Variants in SDK1 observed in about 807,000 individuals in gnomAD.
SDK1 encodes protein sidekick-1.
Under a neutral mutation model 245.5 loss-of-function variants are expected in SDK1, and 157 were observed. That is an observed-to-expected ratio of 0.64 (90% CI 0.56 to 0.73). SDK1 has a LOEUF of 0.73. Among genes scored for constraint, SDK1 ranks in the 30% least tolerant of loss-of-function variants. The pLI, the probability that SDK1 is intolerant of heterozygous loss-of-function variation, is 0.00. For missense variants in SDK1, 3,583 were observed against 3,002.3 expected, an observed-to-expected ratio of 1.19 and a Z score of -4.52; for synonymous variants, 1,647 against 1,278.5, an observed-to-expected ratio of 1.29 and a Z score of -6.15.
chr7:4,144,041 A>G (rs1344157040), intron 28 of SDK1, among the ~76,000 whole-genome samples: 1 of 148,622 alleles, frequency 6.7e-6, no homozygotes, highest in Admixed American at 6.8e-5. Flanking sequence ...CTGACTCCCT[A>G]CTCTCACTGT....
intron 5 of SDK1, among the ~76,000 whole-genome samples, chr7:3,821,836 T>C (rs1259487386): frequency 6.6e-6 from 1 of 151,978 alleles, no homozygotes. Context: ...AAAAAAAAAG[T>C]ATTTGCTTTT....
At chr7:4,067,230 C>G (rs7808191) in intron 19 of SDK1, among the ~76,000 whole-genome samples, 7,564 of 152,276 alleles carry the variant, frequency 0.05, 658 homozygotes, top group African/African-American at 0.17. Context: ...AAGCGTAACT[C>G]TGCGGCTCTG....
At chr7:3,972,748 C>T (rs1416401457) in intron 12 of SDK1, among the ~76,000 whole-genome samples, 2 of 152,188 alleles carry the variant, frequency 1.3e-5, no homozygotes, top group Admixed American at 6.5e-5. Flanking sequence ...CTCGGCTGTT[C>T]TCTCGCGCTT....
chr7:3,594,313 AGT>A (rs1780983234), intron 1 of SDK1, among the ~76,000 whole-genome samples: 1 of 152,234 alleles, frequency 6.6e-6, no homozygotes, highest in East Asian at 1.9e-4. Flanking sequence ...AGATTAATAA[AGT>A]GTGTGGATAT....
chr7:3,303,276 G>A (rs73672076), intron 1 of SDK1, among the ~76,000 whole-genome samples: 1 of 152,328 alleles, frequency 6.6e-6, no homozygotes, highest in African/African-American at 2.4e-5. Flanking sequence ...CCAGGTTCAA[G>A]TGAAGAAATC....
intron 35 of SDK1, among the ~76,000 whole-genome samples, chr7:4,204,566 A>C (rs1170268160): frequency 6.6e-6 from 1 of 152,206 alleles, no homozygotes; most frequent in Non-Finnish European, 1.5e-5. Context: ...TCCTGAGGTC[A>C]GTCTCTCCCA....
chr7:3,315,648 TCTC>T (rs1431966699), intron 1 of SDK1, among the ~76,000 whole-genome samples: 1 of 152,248 alleles, frequency 6.6e-6, no homozygotes, highest in African/African-American at 2.4e-5. Flanking sequence ...TATAGGGATT[TCTC>T]TTTTTTTCCT....
At chr7:3,357,300 T>C (rs951182815) in intron 1 of SDK1, among the ~76,000 whole-genome samples, 12 of 150,506 alleles carry the variant, frequency 8.0e-5, no homozygotes, top group Admixed American at 2.7e-4. Flanking sequence ...TTTCACTGTC[T>C]TTTTACTCTT....
intron 1 of SDK1, among the ~76,000 whole-genome samples, chr7:3,480,464 C>G (rs1435756122): frequency 6.6e-6 from 1 of 151,532 alleles, no homozygotes; most frequent in Admixed American, 6.6e-5. Context: ...TCCAGATAAG[C>G]TGCCTGCCTC....
intron 5 of SDK1, among the ~76,000 whole-genome samples, chr7:3,912,728 G>C (rs1024967099): frequency 6.6e-6 from 1 of 152,226 alleles, no homozygotes; most frequent in East Asian, 1.9e-4. Context: ...AGACCGGCAC[G>C]GTCTGGCCCG....
chr7:4,232,407 C>CTTTTTT (rs201396862), intron 40 of SDK1, among the ~76,000 whole-genome samples: 1,249 of 72,826 alleles, frequency 0.017, 35 homozygotes, highest in Non-Finnish European at 0.025. Flanking sequence ...CTTTTCTTTT[C>CTTTTTT]TTTCTTTTTT....
chr7:3,644,701 A>G (rs1233221774), intron 4 of SDK1, among the ~76,000 whole-genome samples: 1 of 140,542 alleles, frequency 7.1e-6, no homozygotes, highest in African/African-American at 2.7e-5. Context: ...TGAGGCCAGA[A>G]GTTGGAGGTT....
At chr7:3,355,332 T>G (rs1332922392) in intron 1 of SDK1, among the ~76,000 whole-genome samples, 1 of 152,208 alleles carries the variant, frequency 6.6e-6, no homozygotes, top group Non-Finnish European at 1.5e-5. Context: ...TTTATTTATT[T>G]AGAGATGGGG....
intron 40 of SDK1, among the ~76,000 whole-genome samples, chr7:4,223,646 C>G (rs1364114850): frequency 1.3e-5 from 2 of 152,214 alleles, no homozygotes; most frequent in African/African-American, 2.4e-5. Context: ...GGGACCCACT[C>G]TACTCCGGCA....
intron 1 of SDK1, among the ~76,000 whole-genome samples, chr7:3,418,190 G>T (rs890644726): frequency 2.0e-5 from 3 of 149,386 alleles, no homozygotes; most frequent in Admixed American, 2.0e-4. Context: ...GGTGGTGCGT[G>T]CCTGTAATCC....
At chr7:4,124,775 C>G (rs1339247820) in intron 25 of SDK1, among the ~76,000 whole-genome samples, 1 of 152,210 alleles carries the variant, frequency 6.6e-6, no homozygotes, top group Non-Finnish European at 1.5e-5. Flanking sequence ...CAGTGCTACC[C>G]TCTCAGTCTC....
chr7:3,839,642 T>TCC (rs1780108732), intron 5 of SDK1, among the ~76,000 whole-genome samples: 1 of 152,180 alleles, frequency 6.6e-6, no homozygotes, highest in South Asian at 2.1e-4. Context: ...GTAATATCCA[T>TCC]CCATGAATAT....
At chr7:3,607,717 A>C (rs993217917) in intron 1 of SDK1, among the ~76,000 whole-genome samples, 6 of 152,360 alleles carry the variant, frequency 3.9e-5, no homozygotes, top group African/African-American at 1.4e-4. Context: ...TAGAAAGCCA[A>C]AAGTAAATGT....
At chr7:4,162,738 A>G (rs1781232850) in intron 32 of SDK1, among the ~76,000 whole-genome samples, 1 of 152,174 alleles carries the variant, frequency 6.6e-6, no homozygotes, top group African/African-American at 2.4e-5. Context: ...AGTGAGTTAA[A>G]TGAAGGCATA....
Sources: gnomAD v4.1 joint callset for allele counts (sites outside exome capture counted in the v4.1 genomes callset) on GRCh38, gnomAD v4.1.1 for gene constraint, MANE v1.5 for transcripts, NCBI Gene and HGNC (gene_info 2026-07-23, HGNC 2026-07-21) for gene names.